SLC44A5: variants seen among roughly 807,000 people sequenced by gnomAD.
SLC44A5 encodes the protein solute carrier family 44 member 5.
Under a neutral mutation model 101.8 loss-of-function variants are expected in SLC44A5, and 57 were observed. That is an observed-to-expected ratio of 0.56 (90% CI 0.45 to 0.70). The LOEUF (loss-of-function observed/expected upper bound fraction) is 0.70, where lower values mean the gene tolerates loss of function less well. Ranked by LOEUF, SLC44A5 falls within the 30% of genes least tolerant of loss-of-function variation. The probability of loss-of-function intolerance (pLI) is 0.00; values close to 1 mark genes in which losing one functional copy is unlikely to be tolerated. For missense variants in SLC44A5, 737 were observed against 853.1 expected (o/e 0.86, Z 1.70); for synonymous variants, 281 against 290.9 (o/e 0.97, Z 0.35).
At chr1:75,303,496 A>AATGCTGGG (rs1249610650) in intron 4 of SLC44A5, among the ~76,000 whole-genome samples, 1 of 152,208 alleles carries the variant, frequency 6.6e-6, no homozygotes, top group Non-Finnish European at 1.5e-5. Context: ...GGCCTCCCAA[A>AATGCTGGG]ATGCTGGGAT....
chr1:75,213,258 A>C (rs1289053525), intron 22 of SLC44A5, among the ~76,000 whole-genome samples: 1 of 152,200 alleles, frequency 6.6e-6, no homozygotes, highest in Non-Finnish European at 1.5e-5. Flanking sequence ...GGCATAAAGT[A>C]AGACCAATAA....
intron 2 of SLC44A5, among the ~76,000 whole-genome samples, chr1:75,518,280 GA>G (rs1307487453): frequency 1.3e-5 from 2 of 152,028 alleles, no homozygotes; most frequent in Admixed American, 6.6e-5. Flanking sequence ...ATAAATGAGA[GA>G]ATATTCATGA....
At chr1:75,454,069 T>A (rs1666051728) in intron 2 of SLC44A5, among the ~76,000 whole-genome samples, 1 of 151,906 alleles carries the variant, frequency 6.6e-6, no homozygotes, top group South Asian at 2.1e-4. Context: ...CTCACCCTGA[T>A]CCCAATGTGT....
At chr1:75,718,932 T>A in the SLC44A5 span, among the ~76,000 whole-genome samples, 2 of 152,250 alleles carry the variant, frequency 1.3e-5, no homozygotes, top group Non-Finnish European at 2.9e-5. Context: ...ACTATTTGTG[T>A]TATTTTATGG....
At chr1:75,690,067 C>T in the SLC44A5 span, among the ~76,000 whole-genome samples, 1 of 152,146 alleles carries the variant, frequency 6.6e-6, no homozygotes, top group Non-Finnish European at 1.5e-5. Flanking sequence ...CCTCCTCCCT[C>T]ATCAACACTT....
intron 1 of SLC44A5, among the ~76,000 whole-genome samples, chr1:75,587,432 C>A (rs1674072480): frequency 6.6e-6 from 1 of 152,198 alleles, no homozygotes; most frequent in African/African-American, 2.4e-5. Flanking sequence ...CTGAGCCAAA[C>A]ACTCTTAAAC....
At chr1:75,528,741 C>T (rs1433997078) in intron 2 of SLC44A5, among the ~76,000 whole-genome samples, 1 of 152,178 alleles carries the variant, frequency 6.6e-6, no homozygotes, top group Non-Finnish European at 1.5e-5. Context: ...TATCTGGACC[C>T]TATTTACTTT....
At chr1:75,380,504 G>C (rs1400525880) in intron 3 of SLC44A5, among the ~76,000 whole-genome samples, 1 of 83,190 alleles carries the variant, frequency 1.2e-5, no homozygotes, top group Admixed American at 1.2e-4. Flanking sequence ...GGGCTTGTAA[G>C]CACTGATCCA....
chr1:75,592,944 G>A (rs901469299), intron 1 of SLC44A5, among the ~76,000 whole-genome samples: 1 of 152,058 alleles, frequency 6.6e-6, no homozygotes, highest in Non-Finnish European at 1.5e-5. Context: ...AAAATTTCTT[G>A]AGCAATATCC....
At chr1:75,504,242 TG>T (rs1669125648) in intron 2 of SLC44A5, among the ~76,000 whole-genome samples, 1 of 152,292 alleles carries the variant, frequency 6.6e-6, no homozygotes, top group Non-Finnish European at 1.5e-5. Context: ...ATTTTACTTT[TG>T]GTCATTAAAA....
chr1:75,520,657 G>C (rs567308558), intron 2 of SLC44A5, among the ~76,000 whole-genome samples: 1 of 152,242 alleles, frequency 6.6e-6, no homozygotes, highest in South Asian at 2.1e-4. Flanking sequence ...TAAGAAGTCA[G>C]TTTAGAAGAA....
At chr1:75,617,590 T>TAA in the SLC44A5 span, among the ~76,000 whole-genome samples, 1 of 152,200 alleles carries the variant, frequency 6.6e-6, no homozygotes, top group Non-Finnish European at 1.5e-5. Flanking sequence ...TATATTGAAG[T>TAA]AAATAATCTA....
chr1:75,619,086 G>GA, the SLC44A5 span, among the ~76,000 whole-genome samples: 1 of 75,114 alleles, frequency 1.3e-5, no homozygotes, highest in South Asian at 6.8e-4. Context: ...AAAAGGGGGG[G>GA]GGGAAGGAAA....
chr1:75,475,128 G>A (rs938117476), intron 2 of SLC44A5, among the ~76,000 whole-genome samples: 15 of 152,170 alleles, frequency 9.9e-5, no homozygotes, highest in Non-Finnish European at 1.9e-4. Flanking sequence ...CCCTCATAAG[G>A]AAAAATAACA....
intron 2 of SLC44A5, among the ~76,000 whole-genome samples, chr1:75,537,325 C>G (rs1378454109): frequency 6.6e-6 from 1 of 152,106 alleles, no homozygotes; most frequent in Non-Finnish European, 1.5e-5. Flanking sequence ...AAATCTATCC[C>G]TCATCAGTTG....
intron 4 of SLC44A5, among the ~76,000 whole-genome samples, chr1:75,304,532 G>T (rs957778307): frequency 6.6e-6 from 1 of 152,200 alleles, no homozygotes; most frequent in African/African-American, 2.4e-5. Flanking sequence ...GTTAGACGTT[G>T]TAGTGCCTTA....
At chr1:75,386,981 T>C (rs1413792411) in intron 3 of SLC44A5, among the ~76,000 whole-genome samples, 2 of 151,976 alleles carry the variant, frequency 1.3e-5, no homozygotes, top group East Asian at 3.9e-4. Context: ...ATTTAATAAA[T>C]GGTGCTGGGA....
At position 75,203,722 on chromosome 1, in the gene SLC44A5, C is replaced by CTCTT; in HGVS notation, c.*1_*4dup. On this transcript the variant is annotated 3_prime_UTR_variant, in exon 24 of 24. Coordinates refer to ENST00000370859, the MANE Select transcript of SLC44A5 (RefSeq NM_001130058.2). ...ACACAGCTGTAGGACGACCAGTTTG[C>CTCTT]TCTTCTACTGCTTCCTAGTTTGTGG... 1 of 1,547,228 alleles carries CTCTT rather than the reference C, an allele frequency of 6.5e-7. No homozygotes were observed. Among genetic ancestry groups the CTCTT allele is most frequent in the Non-Finnish European group, 8.7e-7 (1 of 1,144,978 alleles).
the SLC44A5 span, among the ~76,000 whole-genome samples, chr1:75,617,204 G>A: frequency 6.6e-6 from 1 of 152,032 alleles, no homozygotes; most frequent in Non-Finnish European, 1.5e-5. Context: ...TGAGATTGCC[G>A]CCGAAACGCA....
Sources: allele counts gnomAD v4.1 joint callset (sites outside exome capture counted in the v4.1 genomes callset), GRCh38; gene constraint gnomAD v4.1.1; transcripts MANE v1.5; gene names NCBI Gene and HGNC (gene_info 2026-07-23, HGNC 2026-07-21).